Variants in TLE4 observed in about 807,000 individuals in gnomAD.
TLE4 encodes the protein transducin-like enhancer protein 4.
A neutral mutation model predicts 92.8 loss-of-function variants in TLE4; 8 were observed. The ratio of observed to expected loss-of-function variants is 0.09; its 90% CI spans 0.05 to 0.16. TLE4 has a LOEUF of 0.16. Among genes scored for constraint, TLE4 ranks in the 10% least tolerant of loss-of-function variants. The pLI is 1.00. For missense variants in TLE4, 675 were observed against 997.6 expected (o/e 0.68, Z 4.36); for synonymous variants, 371 against 374.1 (o/e 0.99, Z 0.10).
chr9:79,721,990 C>G lies in TLE4; in HGVS notation c.1986+102C>G. ...GACCATCCTGGCCAACATGGTGAAA[C>G]CCCATCTCTACTAAAAGTACAAAAA... is the stretch of plus-strand genomic sequence containing the variant. On this transcript the variant is annotated intron_variant, in intron 17 of 19. Coordinates refer to ENST00000376552, the MANE Select transcript of TLE4 (RefSeq NM_007005.6). The G allele has an allele frequency of 4.1e-6, 6 of 1,476,476 alleles. No homozygotes were observed. The South Asian group carries it at 8.2e-5, about 20-fold the overall frequency. The allele number at this position is 1,476,476 out of a possible 1,614,324, so 91.5% of individuals were successfully genotyped here. A position where few individuals can be genotyped will look rare whatever the true frequency, so the allele number is the denominator to read the frequency against.
intron 8 of TLE4, among the ~76,000 whole-genome samples, chr9:79,673,416 TGA>T (rs776519588): frequency 3.2e-4 from 49 of 152,216 alleles, no homozygotes; most frequent in South Asian, 2.1e-4. Flanking sequence ...CAAAATAATG[TGA>T]GTTAGTCTTG....
intron 8 of TLE4, among the ~76,000 whole-genome samples, chr9:79,699,252 T>C (rs2069098756): frequency 6.6e-6 from 1 of 152,122 alleles, no homozygotes; most frequent in Admixed American, 6.6e-5. Context: ...ATTGAGGACT[T>C]TGGTTATGGC....
chr9:79,671,425 T>A, intron 8 of TLE4: 1 of 337,602 alleles, frequency 3.0e-6, no homozygotes, highest in Non-Finnish European at 6.2e-6. Flanking sequence ...GCAGAGAGCC[T>A]CTTTTATTTT....
At chr9:79,694,912 T>C (rs2067897734) in intron 8 of TLE4, among the ~76,000 whole-genome samples, 1 of 152,120 alleles carries the variant, frequency 6.6e-6, no homozygotes, top group Non-Finnish European at 1.5e-5. Flanking sequence ...TGCTGATGCG[T>C]GCATTCTTCC....
At chr9:79,601,341 T>C (rs959196408) in intron 4 of TLE4, 6 of 455,610 alleles carry the variant, frequency 1.3e-5, no homozygotes, top group South Asian at 9.3e-5. Flanking sequence ...TATTCCTTTA[T>C]GGTTGATATA....
At chr9:79,607,863 G>C (rs548143767) in intron 4 of TLE4, among the ~76,000 whole-genome samples, 1 of 152,034 alleles carries the variant, frequency 6.6e-6, no homozygotes, top group African/African-American at 2.4e-5. Context: ...TTTTGCTTAG[G>C]ATTGTCTTGG....
At position 79,652,455 on chromosome 9, in the gene TLE4, G is replaced by A. The variant is rs2059174002; in HGVS notation, c.391-138G>A. On this transcript the variant is annotated intron_variant, in intron 6 of 19. Transcript: ENST00000376552. Reference sequence around the variant, plus strand: ...GCCTGCCTCGGCCTCCCAAAGTGCTGGGATTACAGGCGTGAGCCACCGTGC... The same window carrying A: ...GCCTGCCTCGGCCTCCCAAAGTGCTAGGATTACAGGCGTGAGCCACCGTGC... 16 of 860,696 alleles carry A rather than the reference G, an allele frequency of 1.9e-5. No homozygotes were observed. The South Asian group carries it at 2.5e-4, about 13-fold the overall frequency. 53.3% of individuals were successfully genotyped at this position (860,696 alleles called of 1,614,324 possible).
At chr9:79,678,786 A>G (rs2063805472) in intron 8 of TLE4, among the ~76,000 whole-genome samples, 1 of 143,482 alleles carries the variant, frequency 7.0e-6, no homozygotes, top group Non-Finnish European at 1.5e-5. Flanking sequence ...CCCACCCTAC[A>G]ACAGTCCCCG....
At position 79,670,921 on chromosome 9, in the gene TLE4, A is replaced by T. The variant is rs2062216655; in HGVS notation, c.609+16846A>T. ...GTACAGTATGAGTAATTTGAAAATG[A>T]CCTGGTTGTGTTTATTCTTTGGAGG... On this transcript the variant is annotated intron_variant, in intron 8 of 19. Transcript: ENST00000376552. Among the ~76,000 whole-genome samples the T allele has an allele frequency of 1.3e-5, 2 of 151,758 alleles. 1 individual carries two copies. The highest frequency in any genetic ancestry group is 4.2e-4 in the South Asian group (2 of 4,806).
chr9:79,703,586 C>T (rs548299547), intron 8 of TLE4, among the ~76,000 whole-genome samples: 14 of 152,246 alleles, frequency 9.2e-5, no homozygotes, highest in African/African-American at 3.1e-4. Flanking sequence ...GTCTTGTCAC[C>T]CACGTCTCTT....
At chr9:79,628,906 G>GTGTGTGTA (rs1564492673) in intron 6 of TLE4, among the ~76,000 whole-genome samples, 1 of 148,040 alleles carries the variant, frequency 6.8e-6, no homozygotes, top group Non-Finnish European at 1.5e-5. Flanking sequence ...GTGTGTGTGT[G>GTGTGTGTA]TGTATATGTA....
intron 8 of TLE4, among the ~76,000 whole-genome samples, chr9:79,681,804 CAGAGAG>C (rs150338789): frequency 5.1e-5 from 6 of 117,072 alleles, no homozygotes; most frequent in Middle Eastern, 4.5e-3. Flanking sequence ...GAGAGGGAGA[CAGAGAG>C]AGAGAGAGAG....
Position 79,662,052 on chromosome 9 carries a change from C to T in TLE4, c.609+7977C>T, listed in dbSNP as rs546410611. 3.9e-5 allele frequency among the ~76,000 whole-genome samples: 6 copies of T among 152,320 alleles called. No homozygotes were observed. In the East Asian group the frequency reaches 1.2e-3, roughly 29 times the overall value. ...TTCACACTGTTTAATATTCCATCCC[C>T]TCTGCATCCACTAAATGTTCGTGAA... On this transcript the variant is annotated intron_variant, in intron 8 of 19. Coordinates refer to ENST00000376552, the MANE Select transcript of TLE4 (RefSeq NM_007005.6).
chr9:79,664,639 G>A (rs1245724720), intron 8 of TLE4, among the ~76,000 whole-genome samples: 1 of 152,156 alleles, frequency 6.6e-6, no homozygotes, highest in Non-Finnish European at 1.5e-5. Flanking sequence ...TAAGCGTCCA[G>A]GAACAGTACT....
At chr9:79,658,339 C>G (rs1481115000) in intron 8 of TLE4, among the ~76,000 whole-genome samples, 3 of 151,990 alleles carry the variant, frequency 2.0e-5, no homozygotes, top group African/African-American at 4.8e-5. Flanking sequence ...TATTTTTTAG[C>G]TAAATGCTTT....
intron 8 of TLE4, among the ~76,000 whole-genome samples, chr9:79,661,272 T>C (rs927492607): frequency 6.6e-6 from 1 of 152,200 alleles, no homozygotes; most frequent in African/African-American, 2.4e-5. Context: ...TCTGGAAAAA[T>C]TATAAAATCA....
chr9:79,652,248 A>T (rs183033278), intron 6 of TLE4, among the ~76,000 whole-genome samples: 1 of 151,556 alleles, frequency 6.6e-6, no homozygotes, highest in Admixed American at 6.6e-5. Flanking sequence ...GTGCAGTGGC[A>T]CGAACTCGGC....
chr9:79,671,180 T>A (rs111954930), intron 8 of TLE4: 1 of 448,448 alleles, frequency 2.2e-6, no homozygotes, highest in South Asian at 1.6e-5. Context: ...CAACCTTGGC[T>A]GAGAATGTGA....
At position 79,593,638 on chromosome 9, in the gene TLE4, A is replaced by G. The variant is rs570798786; in HGVS notation, c.252+17461A>G. Among the ~76,000 whole-genome samples, 6 of 152,334 alleles carry G rather than the reference A, an allele frequency of 3.9e-5. No individual in the cohort carries two copies. The South Asian group carries it at 1.2e-3, about 32-fold the overall frequency. ...TTAAACAATATTCAGTGAATTTTAGAAAGCAAAAGAAAGAAACTCACTCAT... is the reference window on the plus strand; with the variant it reads ...TTAAACAATATTCAGTGAATTTTAGGAAGCAAAAGAAAGAAACTCACTCAT... On this transcript the variant is annotated intron_variant, in intron 4 of 19. Coordinates refer to ENST00000376552, the MANE Select transcript of TLE4 (RefSeq NM_007005.6).
Sources: allele counts gnomAD v4.1 joint callset (sites outside exome capture counted in the v4.1 genomes callset), GRCh38; gene constraint gnomAD v4.1.1; transcripts MANE v1.5; gene names NCBI Gene and HGNC (gene_info 2026-07-23, HGNC 2026-07-21).